Variants in EPHA6 observed in about 807,000 individuals in gnomAD.
EPHA6 encodes EPH receptor A6.
EPHA6 carries 50 observed loss-of-function variants against 112.0 expected under a neutral mutation model. The ratio of observed to expected loss-of-function variants is 0.45; its 90% CI spans 0.36 to 0.56. The LOEUF (loss-of-function observed/expected upper bound fraction) is 0.56. Ranked by LOEUF, EPHA6 falls within the 20% of genes least tolerant of loss-of-function variation. EPHA6 has a pLI of 0.00. For missense variants in EPHA6, 1,280 were observed against 1,417.4 expected, an observed-to-expected ratio of 0.90 and a Z score of 1.56; for synonymous variants, 529 against 490.7, an observed-to-expected ratio of 1.08 and a Z score of -1.03.
At chr3:96,962,997 T>C (rs543948929) in intron 2 of EPHA6, among the ~76,000 whole-genome samples, 30 of 151,726 alleles carry the variant, frequency 2.0e-4, no homozygotes, top group African/African-American at 6.8e-4. Flanking sequence ...CTACAAAAAA[T>C]ACAAAAATTA....
At chr3:97,549,399 A>G (rs993056420) in intron 11 of EPHA6, among the ~76,000 whole-genome samples, 2 of 152,184 alleles carry the variant, frequency 1.3e-5, no homozygotes, top group Admixed American at 6.5e-5. Context: ...AAAATCACTG[A>G]TAATTGTTGC....
chr3:97,166,087 G>T (rs2076535072), intron 3 of EPHA6, among the ~76,000 whole-genome samples: 1 of 151,892 alleles, frequency 6.6e-6, no homozygotes, highest in Non-Finnish European at 1.5e-5. Context: ...ATTGAATTTG[G>T]GTGATTGTTT....
chr3:97,475,501 A>G (rs1251663630), intron 8 of EPHA6, 41 bp downstream of exon 8: 2 of 1,379,372 alleles, frequency 1.4e-6, no homozygotes, highest in South Asian at 1.2e-5. Flanking sequence ...ATTTATGAAT[A>G]ACCACTCTTT....
chr3:97,563,562 C>T (rs377458953), intron 11 of EPHA6, among the ~76,000 whole-genome samples: 11 of 152,086 alleles, frequency 7.2e-5, no homozygotes, highest in East Asian at 3.9e-4. Context: ...CAGATGTATA[C>T]GTTCAAACCA....
In EPHA6 at chr3:96,987,560, T is replaced by A. The variant is rs1351876643; in HGVS notation, c.681T>A (p.Asp227Glu). Reference protein sequence around the residue: ...ETFNLFYMESDESHGIKFKPN... With the variant: ...ETFNLFYMESEESHGIKFKPN... ...TTAATCTGTTTTATATGGAATCAGA[T>A]GAGTCCCACGGAATTAAATTCAAGC... The change falls in exon 3 of 18, where the codon GAT becomes GAA. Residue 227 changes from aspartate to glutamate, a missense_variant. Asp to Glu is a conservative substitution (Grantham distance 45). Transcript: ENST00000389672. 3 of 1,613,822 alleles carry A rather than the reference T, an allele frequency of 1.9e-6. No homozygotes were observed. The highest frequency in any genetic ancestry group is 2.5e-6 in the Non-Finnish European group (3 of 1,179,858).
chr3:97,328,729 T>G (rs1285357334), intron 5 of EPHA6, among the ~76,000 whole-genome samples: 1 of 152,064 alleles, frequency 6.6e-6, no homozygotes, highest in Non-Finnish European at 1.5e-5. Flanking sequence ...CAATTTTACT[T>G]TTCTGGATGG....
intron 7 of EPHA6, among the ~76,000 whole-genome samples, chr3:97,457,868 C>T (rs948108293): frequency 6.6e-6 from 1 of 151,638 alleles, no homozygotes; most frequent in Non-Finnish European, 1.5e-5. Flanking sequence ...AGATCGAGAC[C>T]ATCCTGGCTA....
At chr3:97,486,373 C>A (rs148490470) in intron 10 of EPHA6, among the ~76,000 whole-genome samples, 21 of 152,320 alleles carry the variant, frequency 1.4e-4, no homozygotes, top group African/African-American at 4.8e-4. Flanking sequence ...CGCCCCTGGC[C>A]GTACTGCTCT....
chr3:97,664,349 A>T (rs2107641724), intron 14 of EPHA6, among the ~76,000 whole-genome samples: 1 of 152,136 alleles, frequency 6.6e-6, no homozygotes, highest in South Asian at 2.1e-4. Flanking sequence ...ATTAGATCCC[A>T]TTTGTCAGTT....
rs555780623 is a variant in EPHA6 at position 97,114,761 on chromosome 3, G to T, written c.1115-111503G>T. Among the ~76,000 whole-genome samples, 6 of 152,114 alleles carry T rather than the reference G, an allele frequency of 3.9e-5. 1 individual carries two copies. In the South Asian group the frequency reaches 6.2e-4, roughly 16 times the overall value. The stretch of plus-strand genomic sequence containing the variant: ...ACAACTATTTTGTAGCTTCTGTTGT[G>T]TACATAGGAGGGACAAAGATGAATA... On this transcript the variant is annotated intron_variant, in intron 3 of 17. Transcript: ENST00000389672.
intron 2 of EPHA6, among the ~76,000 whole-genome samples, chr3:96,969,859 T>C (rs1002172836): frequency 3.3e-5 from 5 of 152,020 alleles, no homozygotes; most frequent in East Asian, 1.9e-4. Context: ...TAATTTCCTA[T>C]TGTAATGTGT....
chr3:97,747,780 A>C (rs1271240773), intron 17 of EPHA6, among the ~76,000 whole-genome samples: 2 of 152,104 alleles, frequency 1.3e-5, no homozygotes, highest in Non-Finnish European at 2.9e-5. Context: ...ATAGCTATTT[A>C]AAATATTTTA....
At chr3:97,472,800 G>C (rs748056223) in intron 7 of EPHA6, among the ~76,000 whole-genome samples, 1 of 151,778 alleles carries the variant, frequency 6.6e-6, no homozygotes, top group Non-Finnish European at 1.5e-5. Flanking sequence ...GCAAGGCTAT[G>C]ATTGTTGTAG....
chr3:96,960,403 C>G (rs562546645), intron 2 of EPHA6, among the ~76,000 whole-genome samples: 1 of 152,124 alleles, frequency 6.6e-6, no homozygotes, highest in Non-Finnish European at 1.5e-5. Flanking sequence ...CTTGGCTTCC[C>G]GTTTTGCCAC....
Position 97,755,819 on chromosome 3 carries a change from T to G in EPHA6, c.*7118T>G, listed in dbSNP as rs2036012924. Among the ~76,000 whole-genome samples, 1 of 152,060 alleles carries G rather than the reference T, an allele frequency of 6.6e-6. No homozygotes were observed. On this transcript the variant is annotated 3_prime_UTR_variant, in exon 18 of 18. Coordinates refer to ENST00000389672, the MANE Select transcript of EPHA6 (RefSeq NM_001080448.3). ...ATCCTTAGAACAGTCTTAATTTGGCTCTGTTCTATAAAGACTCAATATCAT... is the reference window on the plus strand; with the variant it reads ...ATCCTTAGAACAGTCTTAATTTGGCGCTGTTCTATAAAGACTCAATATCAT...
intron 7 of EPHA6, among the ~76,000 whole-genome samples, chr3:97,475,014 G>A (rs541551269): frequency 6.6e-5 from 10 of 152,038 alleles, no homozygotes; most frequent in Non-Finnish European, 1.5e-4. Flanking sequence ...AATACAGTGA[G>A]CAATTACATA....
At position 97,603,540 on chromosome 3, in the gene EPHA6, G is replaced by A. The variant is rs192590524; in HGVS notation, c.2513-7253G>A. Among the ~76,000 whole-genome samples the A allele has an allele frequency of 2.9e-3, 440 of 151,850 alleles. 1 individual carries two copies. The highest frequency in any genetic ancestry group is 5.0e-3 in the Non-Finnish European group (336 of 67,870). ...ATAAATTAAGGGGGAAAATGGAATC[G>A]AATCATCATAGTGACTATATAAACT... is the stretch of plus-strand genomic sequence containing the variant. On this transcript the variant is annotated intron_variant, in intron 12 of 17. Coordinates refer to ENST00000389672, the MANE Select transcript of EPHA6 (RefSeq NM_001080448.3).
At chr3:97,336,289 C>A (rs2083053384) in intron 5 of EPHA6, among the ~76,000 whole-genome samples, 1 of 152,142 alleles carries the variant, frequency 6.6e-6, no homozygotes, top group Non-Finnish European at 1.5e-5. Context: ...TAGGAAAGAA[C>A]AAGGACAGCT....
chr3:97,173,155 C>T (rs565580949), intron 3 of EPHA6, among the ~76,000 whole-genome samples: 3 of 151,878 alleles, frequency 2.0e-5, no homozygotes, highest in East Asian at 1.9e-4. Context: ...AGTTAGATAA[C>T]CTACCAACAG....
Sources: gnomAD v4.1 joint callset for allele counts (sites outside exome capture counted in the v4.1 genomes callset) on GRCh38, gnomAD v4.1.1 for gene constraint, MANE v1.5 for transcripts, NCBI Gene and HGNC (gene_info 2026-07-23, HGNC 2026-07-21) for gene names.